Variants in ABLIM1 observed in about 807,000 individuals in gnomAD.
ABLIM1 encodes the protein actin-binding LIM protein 1.
Under a neutral mutation model 107.0 loss-of-function variants are expected in ABLIM1, and 40 were observed. The observed-to-expected ratio is 0.37, with a 90% CI of 0.29 to 0.49. The LOEUF (loss-of-function observed/expected upper bound fraction) is 0.49. ABLIM1 is among the 20% of genes least tolerant of loss of function. The probability of loss-of-function intolerance (pLI) is 0.97; values close to 1 mark genes in which losing one functional copy is unlikely to be tolerated. For synonymous variants in ABLIM1, 357 were observed against 357.3 expected, an observed-to-expected ratio of 1.00 and a Z score of 0.01; for missense variants, 857 against 1,008.5, an observed-to-expected ratio of 0.85 and a Z score of 2.04.
chr10:114,491,743 C>A, intron 7 of ABLIM1, 48 bp downstream of exon 7: 4 of 1,511,590 alleles, frequency 2.6e-6, no homozygotes, highest in Non-Finnish European at 3.7e-6. Flanking sequence ...AGCAAGATTT[C>A]CTTTCCCCCA....
At chr10:114,571,958 G>T (rs2071743428) in intron 3 of ABLIM1, among the ~76,000 whole-genome samples, 1 of 152,176 alleles carries the variant, frequency 6.6e-6, no homozygotes, top group East Asian at 1.9e-4. Context: ...TTATAAACTG[G>T]GAGAAATGGG....
chr10:114,655,843 A>G (rs2079484262), intron 1 of ABLIM1, among the ~76,000 whole-genome samples: 1 of 152,216 alleles, frequency 6.6e-6, no homozygotes, highest in Admixed American at 6.5e-5. Flanking sequence ...AGCTGTTACC[A>G]TCAGCAGCTG....
intron 1 of ABLIM1, among the ~76,000 whole-genome samples, chr10:114,722,322 T>C (rs988115353): frequency 3.9e-5 from 6 of 152,094 alleles, no homozygotes; most frequent in African/African-American, 1.4e-4. Flanking sequence ...GGGGAGGTGC[T>C]GCACACTTTT....
chr10:114,544,585 C>G (rs2067084202), intron 6 of ABLIM1, among the ~76,000 whole-genome samples: 1 of 152,186 alleles, frequency 6.6e-6, no homozygotes, highest in African/African-American at 2.4e-5. Flanking sequence ...CCCTTCCTTT[C>G]TTAGCTTCCA....
intron 1 of ABLIM1, among the ~76,000 whole-genome samples, chr10:114,763,245 G>A (rs930174037): frequency 3.9e-5 from 6 of 152,150 alleles, no homozygotes; most frequent in Non-Finnish European, 8.8e-5. Flanking sequence ...CATTAATTCT[G>A]AGGTTTTGAT....
intron 6 of ABLIM1, chr10:114,501,946 T>C (rs1404460915): frequency 2.6e-5 from 4 of 152,248 alleles, no homozygotes; most frequent in African/African-American, 9.6e-5. Flanking sequence ...TAGTATCATA[T>C]GGAATAGTTT....
Position 114,453,301 on chromosome 10 carries a change from G to A in ABLIM1, c.1546+78C>T, listed in dbSNP as rs891001189. ...GCATCCCAATTAAAAGAGCATGAGA[G>A]ATGAGACAAGACGAGGTTACAAGGC... is the stretch of plus-strand genomic sequence containing the variant. On this transcript the variant is annotated intron_variant, in intron 13 of 22. Coordinates refer to ENST00000533213, the MANE Select transcript of ABLIM1 (RefSeq NM_002313.7). 4 of 1,443,884 alleles carry A rather than the reference G, an allele frequency of 2.8e-6. No homozygotes were observed. The Admixed American group carries it at 6.8e-5, about 25-fold the overall frequency. 89.4% of individuals were successfully genotyped at this position (1,443,884 alleles called of 1,614,324 possible).
At chr10:114,507,287 T>A (rs2061288501) in intron 6 of ABLIM1, among the ~76,000 whole-genome samples, 1 of 149,860 alleles carries the variant, frequency 6.7e-6, no homozygotes, top group Non-Finnish European at 1.5e-5. Flanking sequence ...GTGGTGTATC[T>A]AACAATCATT....
chr10:114,657,916 C>A lies in ABLIM1; in HGVS notation c.244+41G>T, dbSNP rs1190060910. On this transcript the variant is annotated intron_variant, in intron 1 of 22. Coordinates refer to ENST00000533213, the MANE Select transcript of ABLIM1 (RefSeq NM_002313.7). The stretch of plus-strand genomic sequence containing the variant: ...AGTACTCTCTTAATTACGCCAATCA[C>A]AAAACACAAAACCATGTCCAGAGAG... 3.2e-6 allele frequency: 5 copies of A among 1,539,276 alleles called. No homozygotes were observed. In the African/African-American group the frequency reaches 6.8e-5, roughly 21 times the overall value.
chr10:114,761,432 G>A (rs73373777), intron 1 of ABLIM1, among the ~76,000 whole-genome samples: 2,671 of 152,196 alleles, frequency 0.018, 73 homozygotes, highest in African/African-American at 0.061. Context: ...TACTGCCCAG[G>A]CTCTCGGCTC....
At chr10:114,456,251 T>C (rs2062805048) in intron 12 of ABLIM1, among the ~76,000 whole-genome samples, 1 of 152,156 alleles carries the variant, frequency 6.6e-6, no homozygotes, top group Non-Finnish European at 1.5e-5. Context: ...TCCAAGTAAA[T>C]GATGATGATA....
chr10:114,617,430 T>G (rs1029787234), intron 1 of ABLIM1, among the ~76,000 whole-genome samples: 18 of 149,674 alleles, frequency 1.2e-4, no homozygotes, highest in Non-Finnish European at 2.5e-4. Context: ...TTTGGCTAAT[T>G]TTTTTTTTTG....
In ABLIM1 at chr10:114,629,347, G is replaced by T. The variant is rs2078021624; in HGVS notation, c.245-27386C>A. 2.0e-5 allele frequency among the ~76,000 whole-genome samples: 3 copies of T among 152,212 alleles called. No individual in the cohort carries two copies. The highest frequency in any genetic ancestry group is 2.0e-4 in the Admixed American group (3 of 15,280). ...GCCAGGACCCGAGCCTCCTCGAGTT[G>T]ATTCCTGACAGCTCCACAGGGAAGG... is the stretch of plus-strand genomic sequence containing the variant. On this transcript the variant is annotated intron_variant, in intron 1 of 22. Transcript: ENST00000533213. This position sits in a 1 kb window ranked among gnomAD's most constrained non-coding sequence, Gnocchi z 4.0.
intron 8 of ABLIM1, among the ~76,000 whole-genome samples, chr10:114,486,238 C>CA (rs2058171874): frequency 6.6e-6 from 1 of 152,160 alleles, no homozygotes; most frequent in Non-Finnish European, 1.5e-5. Context: ...TTTGCAAACT[C>CA]AAGCAATCCT....
chr10:114,539,738 G>C (rs1237549588), intron 6 of ABLIM1, among the ~76,000 whole-genome samples: 1 of 152,144 alleles, frequency 6.6e-6, no homozygotes, highest in Non-Finnish European at 1.5e-5. Context: ...AGTGAGAGCT[G>C]TCCTAGGGCT....
intron 1 of ABLIM1, among the ~76,000 whole-genome samples, chr10:114,741,895 G>T (rs1299154427): frequency 6.6e-6 from 1 of 152,156 alleles, no homozygotes; most frequent in African/African-American, 2.4e-5. Context: ...CAATGCCTTT[G>T]AATTATGGTA....
At chr10:114,713,378 C>T (rs1192116125) in intron 1 of ABLIM1, among the ~76,000 whole-genome samples, 2 of 152,138 alleles carry the variant, frequency 1.3e-5, no homozygotes, top group Non-Finnish European at 2.9e-5. Flanking sequence ...GACAGTGGAG[C>T]TGGGGTGGCA....
At chr10:114,539,913 G>T (rs1281062801) in intron 6 of ABLIM1, among the ~76,000 whole-genome samples, 1 of 152,106 alleles carries the variant, frequency 6.6e-6, no homozygotes, top group Admixed American at 6.5e-5. Context: ...AGAAGGAAGC[G>T]GGAGAAGTTT....
At chr10:114,643,814 A>C (rs1354472872) in intron 1 of ABLIM1, among the ~76,000 whole-genome samples, 2 of 151,988 alleles carry the variant, frequency 1.3e-5, no homozygotes, top group Non-Finnish European at 2.9e-5. Flanking sequence ...GGGCTCAAGC[A>C]ATCCTCCTGC....
Sources: allele counts gnomAD v4.1 joint callset (sites outside exome capture counted in the v4.1 genomes callset), GRCh38; gene constraint gnomAD v4.1.1; non-coding constraint Gnocchi (gnomAD v3.1); transcripts MANE v1.5; gene names NCBI Gene and HGNC (gene_info 2026-07-23, HGNC 2026-07-21).